LRRC4C: variants seen among roughly 807,000 people sequenced by gnomAD.
LRRC4C encodes the protein leucine-rich repeat-containing protein 4C.
A neutral mutation model predicts 33.6 loss-of-function variants in LRRC4C; 5 were observed. The observed-to-expected ratio is 0.15, with a 90% CI of 0.08 to 0.31. The LOEUF is 0.31. LRRC4C is among the 10% of genes least tolerant of loss of function. LRRC4C has a pLI of 1.00. For synonymous variants in LRRC4C, 329 were observed against 302.0 expected, an observed-to-expected ratio of 1.09 and a Z score of -0.93; for missense variants, 560 against 796.7, an observed-to-expected ratio of 0.70 and a Z score of 3.58.
intron 1 of LRRC4C, among the ~76,000 whole-genome samples, chr11:41,268,750 A>G (rs1949229857): frequency 6.6e-6 from 1 of 152,100 alleles, no homozygotes; most frequent in Non-Finnish European, 1.5e-5. Context: ...GCAATAGATG[A>G]TATGAAAATC....
In LRRC4C at chr11:40,539,148, C is replaced by A. The variant is rs72883499; in HGVS notation, c.-270+108994G>T. ...TAAATATGATGCTGCTAATGTGACC[C>A]AAATTAATCAGAGCTTTCAGCAATG... On this transcript the variant is annotated intron_variant, in intron 3 of 6. Transcript: ENST00000528697. Among the ~76,000 whole-genome samples the A allele has an allele frequency of 3.6e-3, 544 of 152,260 alleles. 2 individuals are homozygous for A. The highest frequency in any genetic ancestry group is 6.0e-3 in the Non-Finnish European group (406 of 68,030).
At chr11:41,138,374 C>A (rs1420959121) in intron 1 of LRRC4C, among the ~76,000 whole-genome samples, 1 of 152,150 alleles carries the variant, frequency 6.6e-6, no homozygotes, top group East Asian at 1.9e-4. Flanking sequence ...AGGTTATAAT[C>A]AGTGTGGTCT....
chr11:41,146,651 C>T (rs1943739447), intron 1 of LRRC4C, among the ~76,000 whole-genome samples: 1 of 152,210 alleles, frequency 6.6e-6, no homozygotes, highest in African/African-American at 2.4e-5. Flanking sequence ...CCTCCTTCCT[C>T]CCGCCTGCCA....
chr11:41,277,983 T>C (rs1028400630), intron 1 of LRRC4C, among the ~76,000 whole-genome samples: 2 of 152,020 alleles, frequency 1.3e-5, no homozygotes, highest in African/African-American at 4.8e-5. Context: ...TCTAAAATAG[T>C]TGATCTCATA....
chr11:40,593,007 G>A (rs1456293581), intron 3 of LRRC4C, among the ~76,000 whole-genome samples: 2 of 151,790 alleles, frequency 1.3e-5, no homozygotes, highest in African/African-American at 2.4e-5. Flanking sequence ...GCTTTCTGAT[G>A]TGCTTTTGAA....
intron 1 of LRRC4C, among the ~76,000 whole-genome samples, chr11:41,436,035 C>T (rs1031672669): frequency 2.0e-5 from 3 of 152,070 alleles, no homozygotes; most frequent in African/African-American, 4.8e-5. Flanking sequence ...GAAACCTTGT[C>T]TGTACTAAAA....
chr11:40,862,080 A>G (rs1034837080), intron 2 of LRRC4C, among the ~76,000 whole-genome samples: 1 of 152,134 alleles, frequency 6.6e-6, no homozygotes, highest in African/African-American at 2.4e-5. Flanking sequence ...AGGACATGGG[A>G]GGGTAGGGAA....
chr11:41,011,560 T>C (rs1855180573), intron 1 of LRRC4C, among the ~76,000 whole-genome samples: 1 of 152,036 alleles, frequency 6.6e-6, no homozygotes, highest in Non-Finnish European at 1.5e-5. Context: ...GTACTTGCTC[T>C]TAACCTGCCC....
intron 1 of LRRC4C, among the ~76,000 whole-genome samples, chr11:41,057,214 T>C (rs1194862892): frequency 1.3e-5 from 2 of 152,266 alleles, no homozygotes; most frequent in African/African-American, 4.8e-5. Context: ...TCTAATCCTG[T>C]AGCAAAGTTG....
intron 1 of LRRC4C, among the ~76,000 whole-genome samples, chr11:41,041,609 A>C (rs934402742): frequency 6.6e-6 from 1 of 152,168 alleles, no homozygotes; most frequent in Non-Finnish European, 1.5e-5. Flanking sequence ...AAGTGGTTGA[A>C]TTATAATCCA....
At chr11:40,202,213 C>A (rs1190359204) in intron 5 of LRRC4C, among the ~76,000 whole-genome samples, 1 of 65,014 alleles carries the variant, frequency 1.5e-5, no homozygotes, top group African/African-American at 5.9e-5. Context: ...GTGTGATTAC[C>A]AAAAAAAAAA....
At chr11:40,279,888 T>A (rs1943356027) in intron 4 of LRRC4C, among the ~76,000 whole-genome samples, 1 of 152,190 alleles carries the variant, frequency 6.6e-6, no homozygotes, top group Non-Finnish European at 1.5e-5. Context: ...CTGGGAGATA[T>A]AATTTCATTT....
chr11:41,386,992 A>G (rs1953385741), intron 1 of LRRC4C, among the ~76,000 whole-genome samples: 1 of 151,776 alleles, frequency 6.6e-6, no homozygotes, highest in East Asian at 1.9e-4. Flanking sequence ...GAATTGCTTC[A>G]TTTCCTGTAA....
At chr11:40,501,835 C>A (rs1208976419) in intron 3 of LRRC4C, among the ~76,000 whole-genome samples, 2 of 152,198 alleles carry the variant, frequency 1.3e-5, no homozygotes, top group Non-Finnish European at 1.5e-5. Context: ...GTTTCTGCAG[C>A]AGGCTTGAAT....
At chr11:40,724,823 T>C (rs934407710) in intron 2 of LRRC4C, among the ~76,000 whole-genome samples, 1 of 152,098 alleles carries the variant, frequency 6.6e-6, no homozygotes, top group Non-Finnish European at 1.5e-5. Flanking sequence ...TTTGAGAGGA[T>C]AAACAAGGTT....
chr11:40,393,005 C>T lies in LRRC4C; in HGVS notation c.-269-73284G>A, dbSNP rs370307702. On this transcript the variant is annotated intron_variant, in intron 3 of 6. Transcript: ENST00000528697. ...GACTCACGATAGCCCATTACGCACT[C>T]GCTTAAAATAAAGGCATGTATAAAG... Among the ~76,000 whole-genome samples the T allele has an allele frequency of 4.0e-5, 6 of 151,840 alleles. No homozygotes were observed. The South Asian group carries it at 8.4e-4, about 21-fold the overall frequency.
intron 3 of LRRC4C, among the ~76,000 whole-genome samples, chr11:40,365,972 T>C (rs116427037): frequency 0.012 from 1,850 of 152,156 alleles, 30 homozygotes; most frequent in African/African-American, 0.037. Flanking sequence ...ATTTATTGAA[T>C]ATAAATTGGG....
intron 1 of LRRC4C, among the ~76,000 whole-genome samples, chr11:41,150,196 T>G (rs571214967): frequency 6.6e-6 from 1 of 152,314 alleles, no homozygotes; most frequent in African/African-American, 2.4e-5. Context: ...TTAATCACTG[T>G]TCTCTCTTCC....
At chr11:40,763,852 G>C (rs886557548) in intron 2 of LRRC4C, among the ~76,000 whole-genome samples, 3 of 152,100 alleles carry the variant, frequency 2.0e-5, no homozygotes, top group Non-Finnish European at 4.4e-5. Flanking sequence ...AAGCATTTTG[G>C]AGTTCTAAAT....
Sources: gnomAD v4.1 joint callset for allele counts (sites outside exome capture counted in the v4.1 genomes callset) on GRCh38, gnomAD v4.1.1 for gene constraint, MANE v1.5 for transcripts, NCBI Gene and HGNC (gene_info 2026-07-23, HGNC 2026-07-21) for gene names.